PYCR3: variants seen among roughly 807,000 people sequenced by gnomAD.
The protein encoded by PYCR3 is P5C reductase 3.
In PYCR3, 26 loss-of-function variants were observed where a neutral mutation model predicts 23.4. The observed-to-expected ratio is 1.11, with a 90% confidence interval of 0.81 to 1.54. PYCR3 has a LOEUF of 1.54. Among genes scored for constraint, PYCR3 ranks in the 40% most tolerant of loss-of-function variants. PYCR3 has a pLI of 0.00. For synonymous variants in PYCR3, 194 were observed against 162.6 expected (o/e 1.19, Z -1.47); for missense variants, 360 against 376.3 (o/e 0.96, Z 0.36).
At chr8:143,608,812 A>G in intron 1 of PYCR3, 1 of 456,374 alleles carries the variant, frequency 2.2e-6, no homozygotes, top group South Asian at 1.5e-5. Context: ...CACAGGGAAG[A>G]CTCCTGAGAC....
intron 1 of PYCR3, 64 bp downstream of exon 1, chr8:143,609,394 G>A: frequency 7.1e-7 from 1 of 1,404,332 alleles, no homozygotes. Context: ...CACTCTCGCG[G>A]CAGGACACCT....
chr8:143,607,496 G>A (rs1829434456), intron 2 of PYCR3, among the ~76,000 whole-genome samples: 1 of 151,510 alleles, frequency 6.6e-6, no homozygotes, highest in Non-Finnish European at 1.5e-5. Context: ...ACACATGAAT[G>A]CACTCATGAG....
chr8:143,609,522 C>T lies in PYCR3; in HGVS notation c.27G>A (p.Arg9=), dbSNP rs750000038. MAAAEPSP[R]RVGFVGAGRM... The stretch of plus-strand genomic sequence containing the variant: ...GGCCCGCGCCCACGAAGCCCACGCG[C>T]CGCGGAGACGGCTCCGCAGCTGCCA... The change falls in exon 1 of 6, where the codon CGG becomes CGA. Residue 9 remains arginine, a synonymous_variant. Coordinates refer to ENST00000495276, the MANE Select transcript of PYCR3 (RefSeq NM_023078.6). 37 of 1,515,506 alleles carry T rather than the reference C, an allele frequency of 2.4e-5. No individual in the cohort carries two copies. Among genetic ancestry groups the T allele is most frequent in the Non-Finnish European group, 3.2e-5 (37 of 1,139,472 alleles). 93.9% of individuals were successfully genotyped at this position (1,515,506 alleles called of 1,614,324 possible).
Position 143,607,137 on chromosome 8 carries a change from G to C in PYCR3, c.157-5C>G. ...CGTGGTCCGGCAACCCAGAGCCTGC[G>C]CCAGGGACACCAGGACCAAGCCTCA... On this transcript the variant is annotated splice_region_variant and splice_polypyrimidine_tract_variant and intron_variant, in intron 2 of 5. Transcript: ENST00000495276. The C allele has an allele frequency of 6.4e-7, 1 of 1,559,448 alleles. No homozygotes were observed. Among genetic ancestry groups the C allele is most frequent in the Non-Finnish European group, 8.7e-7 (1 of 1,150,964 alleles).
At chr8:143,608,945 C>T (rs1829472571) in intron 1 of PYCR3, 1 of 456,830 alleles carries the variant, frequency 2.2e-6, no homozygotes, top group Admixed American at 2.4e-5. Flanking sequence ...TTCTAAATGC[C>T]TGGAGGAGTA....
chr8:143,608,252 C>A (rs1308463261), intron 1 of PYCR3, 126 bp from the exon 2 acceptor site: 5 of 682,762 alleles, frequency 7.3e-6, no homozygotes, highest in Admixed American at 2.6e-5. Flanking sequence ...CCCCTCCTGG[C>A]CCCAGGAACC....
intron 1 of PYCR3, chr8:143,608,573 C>T: frequency 6.1e-6 from 2 of 328,916 alleles, no homozygotes; most frequent in South Asian, 4.7e-5. Context: ...TAAGAAAAGG[C>T]TAAATGCCTA....
At position 143,604,808 on chromosome 8, in the gene PYCR3, G is replaced by A; in HGVS notation, c.*892C>T. ...GGGACAGGTGGAGGGGCCAAGTCTT[G>A]CCATCAGAGGCCAGTGTGGTGGTGC... is the stretch of plus-strand genomic sequence containing the variant. On this transcript the variant is annotated 3_prime_UTR_variant, in exon 6 of 6. Transcript: ENST00000495276. The A allele has an allele frequency of 2.2e-6, 1 of 444,776 alleles. No homozygotes were observed. The highest frequency in any genetic ancestry group is 2.6e-5 in the Admixed American group (1 of 38,432). The allele number at this position is 444,776 out of a possible 1,614,324, so 27.6% of individuals were successfully genotyped here. A position where few individuals can be genotyped will look rare whatever the true frequency, so the allele number is the denominator to read the frequency against.
intron 2 of PYCR3, among the ~76,000 whole-genome samples, chr8:143,607,712 TCAC>T (rs1399900659): frequency 7.2e-5 from 11 of 151,732 alleles, no homozygotes; most frequent in East Asian, 3.9e-4. Flanking sequence ...ATACATGCAC[TCAC>T]CACACGTGCA....
chr8:143,608,220 C>T, intron 1 of PYCR3, 94 bp from the exon 2 acceptor site: 1 of 978,534 alleles, frequency 1.0e-6, no homozygotes. Flanking sequence ...TCAGGCTCAG[C>T]CACGCCTGGC....
In PYCR3 at chr8:143,605,884, T is replaced by G. The variant is rs1384782272; in HGVS notation, c.643-2A>C. The G allele has an allele frequency of 9.4e-6, 15 of 1,601,864 alleles. No individual in the cohort carries two copies. Among genetic ancestry groups the G allele is most frequent in the South Asian group, 5.5e-5 (5 of 90,710 alleles). On this transcript the variant is annotated splice_acceptor_variant, in intron 5 of 5. Coordinates refer to ENST00000495276, the MANE Select transcript of PYCR3 (RefSeq NM_023078.6). LOFTEE classifies it high-confidence loss of function. ...GTGCAGCAGCATCTTGGCCGTCCCC[T>G]GAGGAGAGCGTTAGGGCCTGGTGAC...
Position 143,605,803 on chromosome 8 carries a change from G to A in PYCR3, c.722C>T (p.Thr241Ile). 1.2e-6 allele frequency: 2 copies of A among 1,612,288 alleles called. No individual in the cohort carries two copies. The highest frequency in any genetic ancestry group is 1.7e-6 in the Non-Finnish European group (2 of 1,179,742). Reference sequence around the variant, plus strand: ...CTCCAGGGCGTGGAGTCCATAGATGGTGGTGCCACCCGGGGTGCACACGTC... The same window carrying A: ...CTCCAGGGCGTGGAGTCCATAGATGATGGTGCCACCCGGGGTGCACACGTC... Reference protein sequence around the residue: ...RSDVCTPGGTTIYGLHALEQG... With the variant: ...RSDVCTPGGTIIYGLHALEQG... Residue 241 changes from threonine to isoleucine, a missense_variant, in exon 6 of 6, where the codon ACC (threonine) becomes ATC (isoleucine). Coordinates refer to ENST00000495276, the MANE Select transcript of PYCR3 (RefSeq NM_023078.6).
intron 5 of PYCR3, 56 bp from the exon 6 acceptor site, chr8:143,605,938 C>G: frequency 6.4e-7 from 1 of 1,568,872 alleles, no homozygotes; most frequent in Non-Finnish European, 8.7e-7. Flanking sequence ...CCCCACTGTG[C>G]GGCCTGCCCT....
At position 143,605,542 on chromosome 8, in the gene PYCR3, TG is replaced by T. The variant is rs930827908; in HGVS notation, c.*157del. On this transcript the variant is annotated 3_prime_UTR_variant, in exon 6 of 6. Coordinates refer to ENST00000495276, the MANE Select transcript of PYCR3 (RefSeq NM_023078.6). Reference sequence around the variant, plus strand: ...CACTGGTCGGGGCTCCCCCGCCTGCTGGAACCTCCCAAGTCCTGCCCCCTGC... The same window carrying T: ...CACTGGTCGGGGCTCCCCCGCCTGCTGAACCTCCCAAGTCCTGCCCCCTGC... 1.4e-6 allele frequency: 1 copy of T among 710,876 alleles called. No homozygotes were observed. The highest frequency in any genetic ancestry group is 2.3e-6 in the Non-Finnish European group (1 of 441,968). The allele number at this position is 710,876 out of a possible 1,614,324, so 44.0% of individuals were successfully genotyped here.
Position 143,606,368 on chromosome 8 carries a change from C to A in PYCR3, c.549+99G>T, listed in dbSNP as rs1401498712. ...TGGGCCTGGGGAGCAACCACGCAGG[C>A]CTCAAGGTTGGACTCTGAGGGCAGA... On this transcript the variant is annotated intron_variant, in intron 4 of 5. Transcript: ENST00000495276. The A allele has an allele frequency of 1.3e-5, 17 of 1,352,644 alleles. No individual in the cohort carries two copies. In the Admixed American group the frequency reaches 3.0e-4, roughly 24 times the overall value. The allele number at this position is 1,352,644 out of a possible 1,614,324, so 83.8% of individuals were successfully genotyped here.
Position 143,607,057 on chromosome 8 carries a change from G to T in PYCR3, c.232C>A (p.Pro78Thr). The T allele has an allele frequency of 1.2e-6, 2 of 1,613,124 alleles. No individual in the cohort carries two copies. The highest frequency in any genetic ancestry group is 1.7e-6 in the Non-Finnish European group (2 of 1,179,840). The change falls in exon 3 of 6, where the codon CCT becomes ACT. Residue 78 changes from proline (P) to threonine (T), a missense_variant. Physicochemically the swap from Pro to Thr is conservative, Grantham distance 38. Coordinates refer to ENST00000495276, the MANE Select transcript of PYCR3 (RefSeq NM_023078.6). ...SCLLVIFATK[P>T]HVLPAVLAEV... Reference sequence around the variant, plus strand: ...GCCAGGACAGCTGGCAGCACATGAGGCTTGGTGGCAAAGATGACGAGCAGG... The same window carrying T: ...GCCAGGACAGCTGGCAGCACATGAGTCTTGGTGGCAAAGATGACGAGCAGG...
Position 143,604,884 on chromosome 8 carries a change from GC to G in PYCR3, c.*815del. The G allele has an allele frequency of 2.0e-6, 1 of 502,014 alleles. No homozygotes were observed. The highest frequency in any genetic ancestry group is 4.0e-6 in the Non-Finnish European group (1 of 252,180). The allele number at this position is 502,014 out of a possible 1,614,324, so 31.1% of individuals were successfully genotyped here. A position where few individuals can be genotyped will look rare whatever the true frequency, so the allele number is the denominator to read the frequency against. The stretch of plus-strand genomic sequence containing the variant: ...CCTGACCTAGGCACGGGGCAGGAGG[GC>G]CCAGAGCCACCTGGCCACTTGTCAG... On this transcript the variant is annotated 3_prime_UTR_variant, in exon 6 of 6. Transcript: ENST00000495276.
chr8:143,606,240 C>A, intron 4 of PYCR3, 86 bp from the exon 5 acceptor site: 1 of 1,356,982 alleles, frequency 7.4e-7, no homozygotes, highest in Non-Finnish European at 1.0e-6. Context: ...AGAGCAGTAG[C>A]CGTGGGTGGC....
intron 3 of PYCR3, 37 bp from the exon 4 acceptor site, chr8:143,606,716 G>A (rs1454512393): frequency 1.7e-5 from 26 of 1,549,798 alleles, no homozygotes; most frequent in Non-Finnish European, 2.0e-5. Context: ...GAGTCTGTAG[G>A]ACTGGGCCCT....
Sources: gnomAD v4.1 joint callset for allele counts (sites outside exome capture counted in the v4.1 genomes callset) on GRCh38, gnomAD v4.1.1 for gene constraint, MANE v1.5 for transcripts, NCBI Gene and HGNC (gene_info 2026-07-23, HGNC 2026-07-21) for gene names.